RYR2: variants seen among roughly 807,000 people sequenced by gnomAD.
The protein encoded by RYR2 is cardiac muscle ryanodine receptor-calcium release channel.
A neutral mutation model predicts 601.1 loss-of-function variants in RYR2; 227 were observed. The observed-to-expected ratio is 0.38, with a 90% CI of 0.34 to 0.42. The LOEUF is 0.42. Among genes scored for constraint, RYR2 ranks in the 10% least tolerant of loss-of-function variants. RYR2 has a pLI of 1.00. For missense variants in RYR2, 4,646 were observed against 6,156.5 expected (o/e 0.75, Z 8.21); for synonymous variants, 2,223 against 2,175.1 (o/e 1.02, Z -0.61).
intron 10 of RYR2, among the ~76,000 whole-genome samples, chr1:237,409,769 G>C (rs1036956217): frequency 1.3e-5 from 2 of 151,982 alleles, no homozygotes; most frequent in Non-Finnish European, 2.9e-5. Context: ...CATTGATATG[G>C]CTTCTTCTTT....
intron 1 of RYR2, among the ~76,000 whole-genome samples, chr1:237,094,880 C>T (rs935895408): frequency 2.0e-5 from 3 of 152,180 alleles, no homozygotes; most frequent in Admixed American, 6.6e-5. Context: ...TGTGAGCCAC[C>T]GCACCCGGCC....
At chr1:237,617,167 G>A (rs1452430139) in intron 37 of RYR2, 119 bp from the exon 38 acceptor site, 4 of 937,688 alleles carry the variant, frequency 4.3e-6, no homozygotes, top group African/African-American at 3.3e-5. Flanking sequence ...ACAAAATCAG[G>A]ATTCTGTTTC....
intron 1 of RYR2, among the ~76,000 whole-genome samples, chr1:237,161,191 TATA>T (rs1336888074): frequency 6.6e-6 from 1 of 152,156 alleles, no homozygotes; most frequent in Non-Finnish European, 1.5e-5. Context: ...ATGTTGTAAT[TATA>T]ATGTGTATTT....
At chr1:237,125,622 G>A (rs925326457) in intron 1 of RYR2, among the ~76,000 whole-genome samples, 1 of 152,136 alleles carries the variant, frequency 6.6e-6, no homozygotes, top group Non-Finnish European at 1.5e-5. Flanking sequence ...TTGTTTTTGT[G>A]CTAAGTTCCT....
intron 1 of RYR2, among the ~76,000 whole-genome samples, chr1:237,202,844 G>A (rs1681349927): frequency 6.6e-6 from 1 of 152,132 alleles, no homozygotes; most frequent in Non-Finnish European, 1.5e-5. Context: ...GCTGTGTGGT[G>A]GAAGGGATGG....
chr1:237,433,942 G>T (rs188897715), intron 12 of RYR2, among the ~76,000 whole-genome samples: 7 of 152,152 alleles, frequency 4.6e-5, no homozygotes, highest in African/African-American at 1.7e-4. Context: ...ACTGACTGCT[G>T]GTTGACATAA....
Position 237,423,197 on chromosome 1 carries a change from C to T in RYR2, c.954C>T (p.Asp318=). Residue 318 remains aspartate, a synonymous_variant, in exon 12 of 105, where the codon GAC becomes GAT. Coordinates refer to ENST00000366574, the MANE Select transcript of RYR2 (RefSeq NM_001035.3). The part of the protein sequence containing the change: ...LMEDKNLLLM[D]KEKADVKSTA... ...AAGACAAAAACCTTCTACTCATGGA[C>T]AAAGAGAAAGCTGATGTAAAATCAA... The T allele has an allele frequency of 6.2e-7, 1 of 1,613,642 alleles. No individual in the cohort carries two copies. The highest frequency in any genetic ancestry group is 1.1e-5 in the South Asian group (1 of 91,038).
chr1:237,714,140 C>G (rs1045796574), intron 71 of RYR2, among the ~76,000 whole-genome samples: 1 of 152,298 alleles, frequency 6.6e-6, no homozygotes, highest in Non-Finnish European at 1.5e-5. Flanking sequence ...CTTCACTCAT[C>G]TTAAACCTCA....
At chr1:237,564,761 G>C (rs748472654) in intron 27 of RYR2, among the ~76,000 whole-genome samples, 8 of 152,128 alleles carry the variant, frequency 5.3e-5, no homozygotes, top group Non-Finnish European at 8.8e-5. Flanking sequence ...TTTCTGAAGG[G>C]TTAGCCAGCA....
intron 96 of RYR2, among the ~76,000 whole-genome samples, chr1:237,795,836 G>GTATATATATATATATA (rs1553329286): frequency 2.0e-4 from 27 of 132,660 alleles, no homozygotes; most frequent in African/African-American, 3.4e-4. Flanking sequence ...GTGTGTGTGT[G>GTATATATATATATATA]TATATATATA....
chr1:237,469,255 AGAC>A, intron 17 of RYR2, 68 bp downstream of exon 17: 50 of 465,170 alleles, frequency 1.1e-4, no homozygotes, highest in South Asian at 3.8e-4. Context: ...GTATCCTTTA[AGAC>A]AAAAAAAAAA....
intron 24 of RYR2, among the ~76,000 whole-genome samples, chr1:237,526,277 A>G (rs1397921219): frequency 6.6e-6 from 1 of 151,590 alleles, no homozygotes; most frequent in African/African-American, 2.4e-5. Flanking sequence ...ATCATTTTTT[A>G]ATGTGTTTAT....
At chr1:237,629,308 A>G (rs949653270) in intron 41 of RYR2, among the ~76,000 whole-genome samples, 1 of 152,168 alleles carries the variant, frequency 6.6e-6, no homozygotes, top group Non-Finnish European at 1.5e-5. Flanking sequence ...GCAAAAGCCC[A>G]GGCTCCACCA....
chr1:237,714,742 G>A (rs916198764), intron 71 of RYR2, among the ~76,000 whole-genome samples: 5 of 151,994 alleles, frequency 3.3e-5, no homozygotes, highest in Non-Finnish European at 7.4e-5. Context: ...TGTAATCCCA[G>A]CACTTTGGGA....
At chr1:237,713,441 G>A (rs545936340) in intron 71 of RYR2, among the ~76,000 whole-genome samples, 1 of 152,188 alleles carries the variant, frequency 6.6e-6, no homozygotes, top group East Asian at 1.9e-4. Context: ...TTGTTGCCCA[G>A]GCTGGAGTGC....
intron 5 of RYR2, among the ~76,000 whole-genome samples, chr1:237,366,424 CAGGGTTTTG>C: frequency 6.6e-6 from 1 of 152,012 alleles, no homozygotes; most frequent in Non-Finnish European, 1.5e-5. Context: ...TTTTAAGAGA[CAGGGTTTTG>C]CTCTGTTGCC....
At chr1:237,350,469 G>A (rs1013922483) in intron 3 of RYR2, among the ~76,000 whole-genome samples, 1 of 149,046 alleles carries the variant, frequency 6.7e-6, no homozygotes, top group East Asian at 2.0e-4. Context: ...TACTCGGGAG[G>A]CTGAGGCAGG....
At chr1:237,560,317 A>G (rs1440918815) in intron 27 of RYR2, among the ~76,000 whole-genome samples, 1 of 152,260 alleles carries the variant, frequency 6.6e-6, no homozygotes, top group Admixed American at 6.5e-5. Flanking sequence ...AAATTGCCTC[A>G]GATGATTTTC....
In RYR2 at chr1:237,667,895, A is replaced by G. The variant is rs1479028509; in HGVS notation, c.8527A>G (p.Met2843Val). The change falls in exon 58 of 105, where the codon ATG (methionine) becomes GTG (valine). Residue 2843 changes from methionine to valine, a missense_variant. Met to Val is a conservative substitution (Grantham distance 21). Transcript: ENST00000366574. ...LSRDLHAMAEMMAENYHNIWA... is the reference protein window; with the variant it reads ...LSRDLHAMAEVMAENYHNIWA... ...TTGTTCATTTAAGGCTATGGCAGAAATGATGGCTGAAAACTACCATAATAT... is the reference window on the plus strand; with the variant it reads ...TTGTTCATTTAAGGCTATGGCAGAAGTGATGGCTGAAAACTACCATAATAT... The G allele has an allele frequency of 2.5e-6, 4 of 1,583,260 alleles. No homozygotes were observed. Among genetic ancestry groups the G allele is most frequent in the East Asian group, 2.3e-5 (1 of 43,620 alleles).
Sources: gnomAD v4.1 joint callset for allele counts (sites outside exome capture counted in the v4.1 genomes callset) on GRCh38, gnomAD v4.1.1 for gene constraint, MANE v1.5 for transcripts, NCBI Gene and HGNC (gene_info 2026-07-23, HGNC 2026-07-21) for gene names.